Variants in NIBAN1 observed in about 807,000 individuals in gnomAD.
NIBAN1 encodes protein Niban 1.
Under a neutral mutation model 75.1 loss-of-function variants are expected in NIBAN1, and 81 were observed. The observed-to-expected ratio is 1.08, with a 90% CI of 0.90 to 1.30. The LOEUF (loss-of-function observed/expected upper bound fraction) is 1.30. NIBAN1 is among the 50% of genes most tolerant of loss of function. The pLI is 0.00. For missense variants in NIBAN1, 1,133 were observed against 1,128.1 expected (o/e 1.00, Z -0.06); for synonymous variants, 436 against 424.8 (o/e 1.03, Z -0.32).
At chr1:184,798,520 A>AT (rs1248465698) in intron 12 of NIBAN1, among the ~76,000 whole-genome samples, 20 of 151,670 alleles carry the variant, frequency 1.3e-4, no homozygotes, top group East Asian at 7.7e-4. Context: ...GACAGCAGTG[A>AT]TTTTTTTTTA....
At chr1:184,811,502 T>TTCTTTTTTTTG (rs1654374227) in intron 9 of NIBAN1, among the ~76,000 whole-genome samples, 1 of 126,484 alleles carries the variant, frequency 7.9e-6, no homozygotes, top group African/African-American at 3.0e-5. Flanking sequence ...ACTTTCTTCC[T>TTCTTTTTTTTG]TTTTTTTTTT....
At chr1:184,843,159 A>G (rs1172221024) in intron 5 of NIBAN1, among the ~76,000 whole-genome samples, 1 of 152,246 alleles carries the variant, frequency 6.6e-6, no homozygotes, top group Non-Finnish European at 1.5e-5. Context: ...ACGCCATTCC[A>G]AACAACTAGA....
At chr1:184,845,033 C>T (rs1317841571) in intron 5 of NIBAN1, among the ~76,000 whole-genome samples, 1 of 152,232 alleles carries the variant, frequency 6.6e-6, no homozygotes, top group Non-Finnish European at 1.5e-5. Flanking sequence ...ACAAGAAGAA[C>T]CAGTACCGCC....
At chr1:184,957,436 T>C (rs1207900870) in intron 1 of NIBAN1, among the ~76,000 whole-genome samples, 1 of 152,104 alleles carries the variant, frequency 6.6e-6, no homozygotes, top group Admixed American at 6.5e-5. Flanking sequence ...AACACTAGAG[T>C]GTCCCAACAC....
intron 5 of NIBAN1, 70 bp downstream of exon 5, chr1:184,884,563 T>C: frequency 6.3e-7 from 1 of 1,576,972 alleles, no homozygotes; most frequent in Non-Finnish European, 8.6e-7. Context: ...CAATAGATGA[T>C]GGACCAGAAC....
Position 184,806,000 on chromosome 1 carries a change from T to TC in NIBAN1, c.1391dup (p.Glu465ArgfsTer10). Reference sequence around the variant, plus strand: ...TGGCAACTGCAGTTTTGGAGGCCTCTCCTTGGAGATGTGGGGAAAGCAACT... The same window carrying TC: ...TGGCAACTGCAGTTTTGGAGGCCTCTCCCTTGGAGATGTGGGGAAAGCAACT... On this transcript the variant is annotated frameshift_variant, in exon 11 of 14. Coordinates refer to ENST00000367511, the MANE Select transcript of NIBAN1 (RefSeq NM_052966.4). LOFTEE classifies it high-confidence loss of function. 6.2e-7 allele frequency: 1 copy of TC among 1,614,224 alleles called. No individual in the cohort carries two copies. The highest frequency in any genetic ancestry group is 8.5e-7 in the Non-Finnish European group (1 of 1,180,028).
intron 12 of NIBAN1, among the ~76,000 whole-genome samples, chr1:184,802,727 T>C (rs572812529): frequency 2.0e-5 from 3 of 152,316 alleles, no homozygotes; most frequent in South Asian, 4.1e-4. Flanking sequence ...CAAAAACCTC[T>C]TTATCATTTG....
intron 6 of NIBAN1, among the ~76,000 whole-genome samples, chr1:184,825,366 G>A (rs1249374971): frequency 6.6e-6 from 1 of 151,840 alleles, no homozygotes; most frequent in Non-Finnish European, 1.5e-5. Context: ...TCTGCTCATG[G>A]CCTGTCTAAT....
At position 184,791,584 on chromosome 1, in the gene NIBAN1, T is replaced by C. The variant is rs1441689048; in HGVS notation, c.*3393A>G. 6.6e-6 allele frequency: 1 copy of C among 152,008 alleles called. No individual in the cohort carries two copies. Among genetic ancestry groups the C allele is most frequent in the Non-Finnish European group, 1.5e-5 (1 of 67,946 alleles). 9.4% of individuals were successfully genotyped at this position (152,008 alleles called of 1,614,324 possible). A position where few individuals can be genotyped will look rare whatever the true frequency, so the allele number is the denominator to read the frequency against. On this transcript the variant is annotated 3_prime_UTR_variant, in exon 14 of 14. Transcript: ENST00000367511. ...ACAAGGGAAAAAATGACAAGCCCAG[T>C]TTTTTTCAAGGGAAATATTTTTTCT...
chr1:184,816,421 G>A (rs914727303), intron 9 of NIBAN1, among the ~76,000 whole-genome samples: 3 of 152,172 alleles, frequency 2.0e-5, no homozygotes, highest in Admixed American at 6.5e-5. Flanking sequence ...GATGGTAACT[G>A]AAAGTGGCAC....
chr1:184,798,494 G>A (rs338559), intron 12 of NIBAN1, among the ~76,000 whole-genome samples: 4 of 152,132 alleles, frequency 2.6e-5, no homozygotes, highest in Non-Finnish European at 5.9e-5. Context: ...CGCATTTTAT[G>A]CACTTCATGG....
intron 1 of NIBAN1, among the ~76,000 whole-genome samples, chr1:184,943,378 T>G (rs1456625717): frequency 6.6e-6 from 1 of 152,174 alleles, no homozygotes; most frequent in African/African-American, 2.4e-5. Context: ...AAATGATGAC[T>G]CTTTGGGATT....
chr1:184,908,025 T>C lies in NIBAN1; in HGVS notation c.56-8716A>G, dbSNP rs34501657. Among the ~76,000 whole-genome samples the C allele has an allele frequency of 8.0e-3, 1,219 of 152,312 alleles. 57 individuals are homozygous for C. In the East Asian group the frequency reaches 0.14, roughly 17 times the overall value. ...TATCAAAGCCAAGCCAGGACCCTCGTAGGGCTCAGCCAGCAACTGGATGGA... is the reference window on the plus strand; with the variant it reads ...TATCAAAGCCAAGCCAGGACCCTCGCAGGGCTCAGCCAGCAACTGGATGGA... On this transcript the variant is annotated intron_variant, in intron 1 of 13. Coordinates refer to ENST00000367511, the MANE Select transcript of NIBAN1 (RefSeq NM_052966.4).
At chr1:184,934,874 G>A (rs1187692741) in intron 1 of NIBAN1, among the ~76,000 whole-genome samples, 3 of 151,078 alleles carry the variant, frequency 2.0e-5, no homozygotes, top group Non-Finnish European at 1.5e-5. Flanking sequence ...CAGCATGGGA[G>A]ACAGAGAGAC....
intron 5 of NIBAN1, among the ~76,000 whole-genome samples, chr1:184,865,581 G>A (rs775580727): frequency 2.6e-5 from 4 of 151,798 alleles, no homozygotes; most frequent in Non-Finnish European, 4.4e-5. Context: ...ATCTGCACAC[G>A]TACCCCCAAA....
intron 1 of NIBAN1, among the ~76,000 whole-genome samples, chr1:184,939,837 G>T (rs563603191): frequency 1.3e-5 from 2 of 152,088 alleles, no homozygotes; most frequent in Admixed American, 6.6e-5. Flanking sequence ...TACTTAGAGC[G>T]CTGTGTCCCA....
intron 11 of NIBAN1, among the ~76,000 whole-genome samples, chr1:184,804,923 G>C (rs544239595): frequency 1.3e-5 from 2 of 152,114 alleles, no homozygotes; most frequent in Non-Finnish European, 1.5e-5. Flanking sequence ...CGAGTAGCTA[G>C]GACTACAGGT....
chr1:184,918,363 C>T (rs1020334747), intron 1 of NIBAN1, among the ~76,000 whole-genome samples: 3 of 152,206 alleles, frequency 2.0e-5, no homozygotes, highest in Non-Finnish European at 4.4e-5. Flanking sequence ...CTTCACATCA[C>T]GGCAAAGGTA....
chr1:184,972,511 T>C (rs1456765783), intron 1 of NIBAN1, among the ~76,000 whole-genome samples: 2 of 152,224 alleles, frequency 1.3e-5, no homozygotes, highest in African/African-American at 4.8e-5. Flanking sequence ...TCTTTTTCCC[T>C]GGAGGTATTC....
Sources: allele counts gnomAD v4.1 joint callset (sites outside exome capture counted in the v4.1 genomes callset), GRCh38; gene constraint gnomAD v4.1.1; transcripts MANE v1.5; gene names NCBI Gene and HGNC (gene_info 2026-07-23, HGNC 2026-07-21).